NRG3: variants seen among roughly 807,000 people sequenced by gnomAD.
The protein encoded by NRG3 is neuregulin 3.
Under a neutral mutation model 66.9 loss-of-function variants are expected in NRG3, and 31 were observed. That is an observed-to-expected ratio of 0.46 (90% CI 0.35 to 0.63). The LOEUF (loss-of-function observed/expected upper bound fraction) is 0.63, where lower values mean the gene tolerates loss of function less well. Among genes scored for constraint, NRG3 ranks in the 20% least tolerant of loss-of-function variants. NRG3 has a pLI of 0.00. For missense variants in NRG3, 910 were observed against 878.9 expected (o/e 1.04, Z -0.45); for synonymous variants, 393 against 359.4 (o/e 1.09, Z -1.06).
chr10:81,879,553 C>T (rs1236977610), intron 1 of NRG3, among the ~76,000 whole-genome samples: 1 of 152,046 alleles, frequency 6.6e-6, no homozygotes, highest in Non-Finnish European at 1.5e-5. Flanking sequence ...AGACAAAGAG[C>T]CTCTTTTTAT....
chr10:82,578,255 T>G (rs1290305993), intron 2 of NRG3, among the ~76,000 whole-genome samples: 1 of 149,050 alleles, frequency 6.7e-6, no homozygotes, highest in African/African-American at 2.5e-5. Context: ...AGTTCTTAAT[T>G]TTGTAAGAAA....
chr10:82,901,158 C>T (rs376865655), intron 4 of NRG3, among the ~76,000 whole-genome samples: 10 of 152,090 alleles, frequency 6.6e-5, no homozygotes, highest in Admixed American at 5.9e-4. Context: ...GTACTGAGAG[C>T]GCTTGCCTTT....
intron 1 of NRG3, among the ~76,000 whole-genome samples, chr10:82,170,672 A>ATG (rs2072520426): frequency 9.1e-6 from 1 of 109,750 alleles, no homozygotes. Flanking sequence ...ATATATATAT[A>ATG]TATATATATA....
chr10:81,927,718 AAAC>A (rs1411284556), intron 1 of NRG3, among the ~76,000 whole-genome samples: 4 of 152,138 alleles, frequency 2.6e-5, no homozygotes, highest in Non-Finnish European at 5.9e-5. Flanking sequence ...TGTAAACCAA[AAAC>A]AAAATTCTAA....
chr10:82,864,148 G>A lies in NRG3; in HGVS notation c.1028-1263G>A, dbSNP rs190819838. ...GGGGCACAGAGTTTCTGATTGGGGT[G>A]ATGGAAGAATTTGGAAAAAAGGGGT... is the stretch of plus-strand genomic sequence containing the variant. On this transcript the variant is annotated intron_variant, in intron 3 of 8. Coordinates refer to ENST00000372141, the MANE Select transcript of NRG3 (RefSeq NM_001010848.4). Among the ~76,000 whole-genome samples the A allele has an allele frequency of 1.5e-4, 23 of 152,168 alleles. No homozygotes were observed. The East Asian group carries it at 2.7e-3, about 18-fold the overall frequency.
In NRG3 at chr10:82,264,575, C is replaced by T. The variant is rs532791430; in HGVS notation, c.824-94164C>T. ...ACAGACTGGATAAGCTCACCAAAGG[C>T]GTATGTGTACATGGAGTAAAGGGAA... On this transcript the variant is annotated intron_variant, in intron 1 of 8. Coordinates refer to ENST00000372141, the MANE Select transcript of NRG3 (RefSeq NM_001010848.4). 7.9e-5 allele frequency among the ~76,000 whole-genome samples: 12 copies of T among 152,030 alleles called. 1 individual carries two copies. Among genetic ancestry groups the T allele is most frequent in the South Asian group, 6.2e-4 (3 of 4,824 alleles).
intron 2 of NRG3, among the ~76,000 whole-genome samples, chr10:82,465,979 C>T (rs892468231): frequency 6.6e-6 from 1 of 152,150 alleles, no homozygotes; most frequent in Non-Finnish European, 1.5e-5. Flanking sequence ...ATGTCTCTAT[C>T]AGGATGTGCC....
intron 1 of NRG3, among the ~76,000 whole-genome samples, chr10:82,309,453 T>G (rs945258486): frequency 2.7e-5 from 4 of 150,930 alleles, no homozygotes; most frequent in African/African-American, 9.7e-5. Context: ...ATTTTACAAA[T>G]TGCTTTGCAT....
At chr10:82,950,323 T>A (rs1025914127) in intron 4 of NRG3, among the ~76,000 whole-genome samples, 1 of 152,166 alleles carries the variant, frequency 6.6e-6, no homozygotes, top group African/African-American at 2.4e-5. Context: ...GTATAGAAGG[T>A]CTGAGAGTGA....
intron 3 of NRG3, among the ~76,000 whole-genome samples, chr10:82,757,222 C>G (rs903964123): frequency 6.6e-6 from 1 of 152,026 alleles, no homozygotes; most frequent in Admixed American, 6.6e-5. Flanking sequence ...TGAAAATCTG[C>G]AAAGATACTT....
At chr10:82,750,182 T>A (rs1427174389) in intron 3 of NRG3, among the ~76,000 whole-genome samples, 1 of 152,180 alleles carries the variant, frequency 6.6e-6, no homozygotes, top group African/African-American at 2.4e-5. Flanking sequence ...ACACTGATGT[T>A]AGGAGACAAC....
chr10:82,470,994 C>T (rs1323638333), intron 2 of NRG3, among the ~76,000 whole-genome samples: 1 of 152,058 alleles, frequency 6.6e-6, no homozygotes, highest in Non-Finnish European at 1.5e-5. Context: ...TTTGATGGTC[C>T]CTGCACCTCT....
chr10:82,037,728 GT>G (rs1254535136), intron 1 of NRG3, among the ~76,000 whole-genome samples: 2 of 152,050 alleles, frequency 1.3e-5, no homozygotes, highest in African/African-American at 4.8e-5. Flanking sequence ...GTGAACCTCA[GT>G]TTTCTCTTAT....
intron 1 of NRG3, among the ~76,000 whole-genome samples, chr10:81,963,768 T>C (rs2059618765): frequency 6.6e-6 from 1 of 152,174 alleles, no homozygotes; most frequent in African/African-American, 2.4e-5. Flanking sequence ...CATGTAACCT[T>C]ACAGCTCCGT....
intron 2 of NRG3, among the ~76,000 whole-genome samples, chr10:82,385,013 A>G (rs2085884556): frequency 6.6e-6 from 1 of 152,086 alleles, no homozygotes; most frequent in Non-Finnish European, 1.5e-5. Context: ...AACCATTCTA[A>G]CTGGTATGAA....
At chr10:82,593,491 T>C (rs939094203) in intron 2 of NRG3, among the ~76,000 whole-genome samples, 13 of 152,316 alleles carry the variant, frequency 8.5e-5, no homozygotes, top group African/African-American at 2.4e-5. Context: ...GGAGTCAGAA[T>C]TGGGTTCAAG....
chr10:82,831,596 C>T (rs943148078), intron 3 of NRG3, among the ~76,000 whole-genome samples: 1 of 151,912 alleles, frequency 6.6e-6, no homozygotes, highest in Admixed American at 6.6e-5. Flanking sequence ...TAGGTGGATC[C>T]CTGAGGTCAG....
chr10:82,634,778 T>G (rs1482242980), intron 2 of NRG3, among the ~76,000 whole-genome samples: 1 of 152,228 alleles, frequency 6.6e-6, no homozygotes, highest in African/African-American at 2.4e-5. Flanking sequence ...CATTAATTAC[T>G]CACTTTTCCT....
intron 2 of NRG3, among the ~76,000 whole-genome samples, chr10:82,712,346 G>A (rs932599952): frequency 3.9e-5 from 6 of 152,090 alleles, no homozygotes; most frequent in Non-Finnish European, 7.4e-5. Flanking sequence ...TTGAAGTATT[G>A]GGAGCAGTAT....
Sources: allele counts gnomAD v4.1 joint callset (sites outside exome capture counted in the v4.1 genomes callset), GRCh38; gene constraint gnomAD v4.1.1; transcripts MANE v1.5; gene names NCBI Gene and HGNC (gene_info 2026-07-23, HGNC 2026-07-21).